The following CENPP variants were observed in gnomAD, a reference collection of about 807,000 sequenced individuals.
The protein encoded by CENPP is centromere protein P.
A neutral mutation model predicts 35.6 loss-of-function variants in CENPP; 24 were observed. The observed-to-expected ratio is 0.67, with a 90% CI of 0.49 to 0.95. The LOEUF (loss-of-function observed/expected upper bound fraction) is 0.95. CENPP is among the 40% of genes least tolerant of loss of function. The probability of loss-of-function intolerance (pLI) is 0.00; values close to 1 mark genes in which losing one functional copy is unlikely to be tolerated. For missense variants in CENPP, 332 were observed against 345.3 expected, an observed-to-expected ratio of 0.96 and a Z score of 0.31; for synonymous variants, 120 against 125.5, an observed-to-expected ratio of 0.96 and a Z score of 0.29.
intron 5 of CENPP, among the ~76,000 whole-genome samples, chr9:92,589,970 A>G (rs1850630199): frequency 6.6e-6 from 1 of 152,238 alleles, no homozygotes; most frequent in South Asian, 2.1e-4. Flanking sequence ...ACTACACAGT[A>G]TCATCCCTGC....
intron 4 of CENPP, among the ~76,000 whole-genome samples, chr9:92,356,157 G>A (rs1841583899): frequency 6.6e-6 from 1 of 152,206 alleles, no homozygotes; most frequent in African/African-American, 2.4e-5. Context: ...CTGATATGTG[G>A]AAGGATTAGA....
At chr9:92,409,266 AT>A (rs1156947887) in intron 5 of CENPP, among the ~76,000 whole-genome samples, 1 of 152,180 alleles carries the variant, frequency 6.6e-6, no homozygotes, top group African/African-American at 2.4e-5. Flanking sequence ...TTATGATTTA[AT>A]TTTGTTTCCA....
chr9:92,494,030 A>C, intron 5 of CENPP: 1 of 1,572,994 alleles, frequency 6.4e-7, no homozygotes, highest in Non-Finnish European at 8.6e-7. Flanking sequence ...CATTTTTCTG[A>C]CTGCACAGCA....
rs2131412464 is a variant in CENPP, at chr9:92,617,852, A to C, written c.*4703A>C. 4.7e-6 allele frequency: 1 copy of C among 211,516 alleles called. No individual in the cohort carries two copies. Among genetic ancestry groups the C allele is most frequent in the African/African-American group, 2.3e-5 (1 of 43,158 alleles). The allele number at this position is 211,516 out of a possible 1,614,324, so 13.1% of individuals were successfully genotyped here. A position where few individuals can be genotyped will look rare whatever the true frequency, so the allele number is the denominator to read the frequency against. On this transcript the variant is annotated 3_prime_UTR_variant, in exon 8 of 8. Transcript: ENST00000375587. The stretch of plus-strand genomic sequence containing the variant: ...GGGACAAAGCTCTGCAGCGACAGGA[A>C]GGCAGATCCAACTTGAGACATTTTC...
At chr9:92,516,011 A>G (rs1157456709) in intron 5 of CENPP, among the ~76,000 whole-genome samples, 2 of 151,818 alleles carry the variant, frequency 1.3e-5, no homozygotes, top group African/African-American at 2.4e-5. Flanking sequence ...GACTAGATTC[A>G]AATTCACTCT....
In CENPP at chr9:92,465,994, G is replaced by A. The variant is rs10820979; in HGVS notation, c.564+86135G>A. Among the ~76,000 whole-genome samples, 363 of 151,962 alleles carry A rather than the reference G, an allele frequency of 2.4e-3. 2 individuals carry two copies. Among genetic ancestry groups the A allele is most frequent in the Admixed American group, 3.5e-3 (54 of 15,260 alleles). ...ATTACAGGCACCTGTCACCACACCC[G>A]GCTAATTTTTGTATTTTTAGTAGAG... On this transcript the variant is annotated intron_variant, in intron 5 of 7. Transcript: ENST00000375587.
chr9:92,602,754 GACAGGCGGTGTGA>G (rs1850956654), intron 5 of CENPP, among the ~76,000 whole-genome samples: 1 of 152,140 alleles, frequency 6.6e-6, no homozygotes, highest in Non-Finnish European at 1.5e-5. Flanking sequence ...AGAGGGAGGT[GACAGGCGGTGTGA>G]ACAGGCGGCA....
chr9:92,586,287 C>T (rs1850538945), intron 5 of CENPP, among the ~76,000 whole-genome samples: 1 of 152,116 alleles, frequency 6.6e-6, no homozygotes, highest in Non-Finnish European at 1.5e-5. Flanking sequence ...TAAGGTGATC[C>T]GCCAGCCTTG....
At chr9:92,418,681 G>GCAT (rs1185204446) in intron 5 of CENPP, among the ~76,000 whole-genome samples, 1 of 152,098 alleles carries the variant, frequency 6.6e-6, no homozygotes, top group Non-Finnish European at 1.5e-5. Context: ...ACTTCTATTT[G>GCAT]CTGATACCTT....
chr9:92,370,632 C>G (rs1282422088), intron 4 of CENPP, among the ~76,000 whole-genome samples: 1 of 152,118 alleles, frequency 6.6e-6, no homozygotes, highest in Non-Finnish European at 1.5e-5. Context: ...AGTGGCGCAT[C>G]ACCATTCCCG....
chr9:92,344,054 G>A (rs1841205167), intron 3 of CENPP, among the ~76,000 whole-genome samples: 1 of 151,178 alleles, frequency 6.6e-6, no homozygotes, highest in Non-Finnish European at 1.5e-5. Flanking sequence ...AGAGGAGAAT[G>A]AGAACTGTGG....
intron 5 of CENPP, among the ~76,000 whole-genome samples, chr9:92,590,848 A>G (rs1262536109): frequency 6.6e-6 from 1 of 152,240 alleles, no homozygotes; most frequent in Non-Finnish European, 1.5e-5. Context: ...ATCTGCATGT[A>G]TCAAAGATTT....
chr9:92,374,996 A>G (rs1047494779), intron 4 of CENPP, among the ~76,000 whole-genome samples: 1 of 152,210 alleles, frequency 6.6e-6, no homozygotes, highest in Non-Finnish European at 1.5e-5. Context: ...TTGGAGCTCA[A>G]CAGATTTACT....
chr9:92,570,426 G>C (rs1049599919), intron 5 of CENPP, among the ~76,000 whole-genome samples: 1 of 152,170 alleles, frequency 6.6e-6, no homozygotes, highest in Non-Finnish European at 1.5e-5. Context: ...CAGGGATGAA[G>C]CCCACTTGAT....
intron 4 of CENPP, among the ~76,000 whole-genome samples, chr9:92,352,505 G>GTGTGTGTATAAATATATA: frequency 6.0e-5 from 3 of 49,764 alleles, no homozygotes; most frequent in Non-Finnish European, 3.3e-5. Context: ...GTGTGTGTGT[G>GTGTGTGTATAAATATATA]TATACATATA....
At chr9:92,610,055 T>G (rs959768713) in intron 5 of CENPP, among the ~76,000 whole-genome samples, 11 of 146,492 alleles carry the variant, frequency 7.5e-5, no homozygotes, top group Non-Finnish European at 1.1e-4. Flanking sequence ...ACACAAGTGT[T>G]TGTTTGTTTG....
chr9:92,520,257 T>A (rs1348995386), intron 5 of CENPP, among the ~76,000 whole-genome samples: 1 of 151,704 alleles, frequency 6.6e-6, no homozygotes, highest in Non-Finnish European at 1.5e-5. Flanking sequence ...TATTCCAGCC[T>A]GGACAGCAGA....
intron 5 of CENPP, among the ~76,000 whole-genome samples, chr9:92,425,574 A>T (rs1843943355): frequency 6.6e-6 from 1 of 151,796 alleles, no homozygotes; most frequent in Non-Finnish European, 1.5e-5. Context: ...CAAACTAATA[A>T]GATAAAGTGA....
chr9:92,392,327 T>G (rs796890915), intron 5 of CENPP, among the ~76,000 whole-genome samples: 6 of 152,218 alleles, frequency 3.9e-5, no homozygotes, highest in African/African-American at 1.4e-4. Context: ...TATCAGTATT[T>G]AAAAAATACT....
Sources: allele counts gnomAD v4.1 joint callset (sites outside exome capture counted in the v4.1 genomes callset), GRCh38; gene constraint gnomAD v4.1.1; transcripts MANE v1.5; gene names NCBI Gene and HGNC (gene_info 2026-07-23, HGNC 2026-07-21).